CLYBL: variants seen among roughly 807,000 people sequenced by gnomAD.
CLYBL encodes citramalyl-CoA lyase, also known as citramalyl-CoA lyase, mitochondrial.
A neutral mutation model predicts 38.9 loss-of-function variants in CLYBL; 31 were observed. The observed-to-expected ratio is 0.80, with a 90% CI of 0.60 to 1.08. The LOEUF (loss-of-function observed/expected upper bound fraction) is 1.08, where lower values mean the gene tolerates loss of function less well. CLYBL is among the 50% of genes least tolerant of loss of function. The pLI is 0.00. For missense variants in CLYBL, 434 were observed against 411.6 expected (o/e 1.05, Z -0.47); for synonymous variants, 171 against 158.6 (o/e 1.08, Z -0.59).
Position 99,661,046 on chromosome 13 carries a change from C to T in CLYBL, c.62+54289C>T, listed in dbSNP as rs951180433. Among the ~76,000 whole-genome samples the T allele has an allele frequency of 2.0e-5, 3 of 151,786 alleles. No homozygotes were observed. In the East Asian group the frequency reaches 5.8e-4, roughly 29 times the overall value. On this transcript the variant is annotated intron_variant, in intron 1 of 8. Coordinates refer to ENST00000339105, the MANE Select transcript of CLYBL (RefSeq NM_206808.5). ...ATTTTAGTGATTTTAGTAGACCATC[C>T]CATTAAAAATATGCTATTTTAATTG...
chr13:99,609,396 C>A (rs749612770), intron 1 of CLYBL, among the ~76,000 whole-genome samples: 1 of 152,100 alleles, frequency 6.6e-6, no homozygotes, highest in South Asian at 2.1e-4. Context: ...AGGATGGTCT[C>A]GATCTTCTGA....
chr13:99,667,242 A>G (rs2047495109), intron 1 of CLYBL, among the ~76,000 whole-genome samples: 1 of 152,118 alleles, frequency 6.6e-6, no homozygotes. Flanking sequence ...GAAATGCCAC[A>G]CGTAACCATC....
At chr13:99,819,700 C>G (rs1264259488) in intron 2 of CLYBL, among the ~76,000 whole-genome samples, 2 of 151,690 alleles carry the variant, frequency 1.3e-5, no homozygotes, top group African/African-American at 2.4e-5. Context: ...GCCCCGCAGC[C>G]AGGAGCTCTG....
At position 99,772,832 on chromosome 13, in the gene CLYBL, C is replaced by G. The variant is rs751664402; in HGVS notation, c.71C>G (p.Ser24Cys). Residue 24 changes from serine (S) to cysteine (C), a missense_variant, in exon 2 of 9, where the codon TCT becomes TGT. Physicochemically the swap from Ser to Cys is moderately radical, Grantham distance 112. Coordinates refer to ENST00000339105, the MANE Select transcript of CLYBL (RefSeq NM_206808.5). ...AAAALLRLKASLAADIPRLGY... is the reference protein window; with the variant it reads ...AAAALLRLKACLAADIPRLGY... Reference sequence around the variant, plus strand: ...AATCACGTGTCTTGCAGGAAAGCGTCTCTAGCAGCTGATATCCCCAGACTT... The same window carrying G: ...AATCACGTGTCTTGCAGGAAAGCGTGTCTAGCAGCTGATATCCCCAGACTT... 1 of 1,595,574 alleles carries G rather than the reference C, an allele frequency of 6.3e-7. No individual in the cohort carries two copies. The highest frequency in any genetic ancestry group is 8.5e-7 in the Non-Finnish European group (1 of 1,175,486).
chr13:99,698,929 C>T (rs1438718899), intron 1 of CLYBL, among the ~76,000 whole-genome samples: 1 of 152,122 alleles, frequency 6.6e-6, no homozygotes, highest in Non-Finnish European at 1.5e-5. Flanking sequence ...TAGCACACCG[C>T]CAGAAGGTGT....
At chr13:99,875,399 A>G (rs1253078554) in intron 7 of CLYBL, among the ~76,000 whole-genome samples, 3 of 152,208 alleles carry the variant, frequency 2.0e-5, no homozygotes, top group African/African-American at 7.2e-5. Flanking sequence ...AACTTTACAA[A>G]CAGTAATACA....
intron 1 of CLYBL, among the ~76,000 whole-genome samples, chr13:99,719,042 G>A (rs944373937): frequency 7.2e-5 from 11 of 151,824 alleles, no homozygotes; most frequent in African/African-American, 2.4e-4. Context: ...TCTCCTACAT[G>A]GGGTTTCTCC....
intron 1 of CLYBL, among the ~76,000 whole-genome samples, chr13:99,740,717 C>G (rs1346578518): frequency 1.3e-5 from 2 of 152,216 alleles, no homozygotes; most frequent in African/African-American, 4.8e-5. Context: ...TTCCCAGAGG[C>G]TTTGGCTGCT....
rs4001024 is a variant in CLYBL at position 99,716,169 on chromosome 13, A to ATTTT, written c.63-56620_63-56617dup. Among the ~76,000 whole-genome samples, 110 of 33,464 alleles carry ATTTT rather than the reference A, an allele frequency of 3.3e-3. 34 individuals carry two copies. The highest frequency in any genetic ancestry group is 4.8e-3 in the Admixed American group (12 of 2,500). 22.0% of individuals were successfully genotyped at this position (33,464 alleles called of 152,430 possible). On this transcript the variant is annotated intron_variant, in intron 1 of 8. Transcript: ENST00000339105. ...AAATTGTCCTTGCTTTATTGGTGTA[A>ATTTT]TTTTTTTTTTTTTTTTTTTTTTTTT...
intron 1 of CLYBL, among the ~76,000 whole-genome samples, chr13:99,745,939 A>G (rs1248079120): frequency 1.3e-5 from 2 of 152,058 alleles, no homozygotes; most frequent in African/African-American, 2.4e-5. Context: ...GCCTCATTTC[A>G]TTGAGATTGA....
At chr13:99,895,304 T>G (rs1775315683), downstream of CLYBL, 1 of 152,246 alleles carries the variant, frequency 6.6e-6, no homozygotes, top group South Asian at 2.1e-4. Flanking sequence ...CTTGGAAAAC[T>G]GAATCTTCTG....
intron 2 of CLYBL, among the ~76,000 whole-genome samples, chr13:99,802,238 G>A (rs1050788871): frequency 4.0e-4 from 61 of 152,092 alleles, no homozygotes; most frequent in African/African-American, 1.4e-3. Context: ...CCTTCTTTCT[G>A]TATCCTCACA....
chr13:99,890,797 T>A (rs9517906), intron 7 of CLYBL, among the ~76,000 whole-genome samples: 75,876 of 151,854 alleles, frequency 0.5, 20,330 homozygotes, highest in Non-Finnish European at 0.61. Flanking sequence ...GTCTTCTGTA[T>A]GGGTTTACCA....
intron 1 of CLYBL, among the ~76,000 whole-genome samples, chr13:99,755,646 T>C (rs1282392344): frequency 2.0e-5 from 3 of 152,230 alleles, no homozygotes; most frequent in Non-Finnish European, 4.4e-5. Context: ...ACTGTTGCCC[T>C]TCTCTGCCTG....
chr13:99,744,648 T>G (rs531638369), intron 1 of CLYBL, among the ~76,000 whole-genome samples: 1 of 152,142 alleles, frequency 6.6e-6, no homozygotes, highest in Non-Finnish European at 1.5e-5. Context: ...TTCAGAGAGA[T>G]AGATGGCGAT....
chr13:99,866,574 A>T (rs768369740), intron 6 of CLYBL, among the ~76,000 whole-genome samples, 167 bp downstream of exon 6: 7 of 151,946 alleles, frequency 4.6e-5, no homozygotes, highest in Non-Finnish European at 8.8e-5. Context: ...ACACATTGTC[A>T]TGGTTTTCCT....
intron 2 of CLYBL, among the ~76,000 whole-genome samples, 157 bp from the exon 3 acceptor site, chr13:99,858,704 T>C (rs1274140443): frequency 6.6e-6 from 1 of 152,250 alleles, no homozygotes; most frequent in Non-Finnish European, 1.5e-5. Flanking sequence ...TCAGACTGGA[T>C]GACTCCTTTC....
chr13:99,907,327 G>C (rs1270514384), intron 9 of CLYBL, among the ~76,000 whole-genome samples: 3 of 152,090 alleles, frequency 2.0e-5, no homozygotes, highest in African/African-American at 4.8e-5. Flanking sequence ...TTTTGAGCCT[G>C]AAATGAGTTA....
chr13:99,872,484 C>A (rs2139260427), intron 7 of CLYBL, among the ~76,000 whole-genome samples: 1 of 152,336 alleles, frequency 6.6e-6, no homozygotes, highest in East Asian at 1.9e-4. Context: ...ACATGTCCAT[C>A]CATCCCCTTC....
Sources: allele counts gnomAD v4.1 joint callset (sites outside exome capture counted in the v4.1 genomes callset), GRCh38; gene constraint gnomAD v4.1.1; transcripts MANE v1.5; gene names NCBI Gene and HGNC (gene_info 2026-07-23, HGNC 2026-07-21).